SNX27: variants seen among roughly 807,000 people sequenced by gnomAD.
SNX27 encodes the protein sorting nexin 27.
A neutral mutation model predicts 71.6 loss-of-function variants in SNX27; 22 were observed. That is an observed-to-expected ratio of 0.31 (90% CI 0.22 to 0.44). The LOEUF (loss-of-function observed/expected upper bound fraction) is 0.44, where lower values mean the gene tolerates loss of function less well. SNX27 is among the 20% of genes least tolerant of loss of function. The pLI, the probability that SNX27 is intolerant of heterozygous loss-of-function variation, is 1.00. For missense variants in SNX27, 531 were observed against 698.6 expected, an observed-to-expected ratio of 0.76 and a Z score of 2.70; for synonymous variants, 269 against 277.2, an observed-to-expected ratio of 0.97 and a Z score of 0.29.
intron 1 of SNX27, among the ~76,000 whole-genome samples, chr1:151,627,563 T>C (rs1668000190): frequency 6.6e-6 from 1 of 152,210 alleles, no homozygotes; most frequent in Non-Finnish European, 1.5e-5. Flanking sequence ...TTTGCATATA[T>C]TAAGGTTCAC....
intron 8 of SNX27, 66 bp downstream of exon 8, chr1:151,683,511 G>A: frequency 8.0e-7 from 1 of 1,245,856 alleles, no homozygotes; most frequent in Non-Finnish European, 1.1e-6. Context: ...TATAGTCCTA[G>A]TCATTTTTGA....
intron 1 of SNX27, among the ~76,000 whole-genome samples, chr1:151,619,833 T>C (rs1198293951): frequency 2.0e-5 from 3 of 152,204 alleles, no homozygotes; most frequent in Non-Finnish European, 4.4e-5. Context: ...GCTTGGCTTG[T>C]ATGAGTCACA....
intron 7 of SNX27, chr1:151,675,865 C>T (rs1218954183): frequency 9.3e-6 from 1 of 107,194 alleles, no homozygotes; most frequent in Non-Finnish European, 1.8e-5. Flanking sequence ...CTCATTCTGT[C>T]ACCCAGGCTG....
At chr1:151,693,255 A>C in intron 10 of SNX27, 169 bp from the exon 11 acceptor site, 1 of 890,952 alleles carries the variant, frequency 1.1e-6, no homozygotes, top group Non-Finnish European at 1.7e-6. Flanking sequence ...TACCACTAGA[A>C]GGAGCTAGAG....
At chr1:151,692,638 CACTT>C (rs1480123314) in intron 9 of SNX27, 54 bp downstream of exon 9, 1 of 1,578,838 alleles carries the variant, frequency 6.3e-7, no homozygotes, top group African/African-American at 1.4e-5. Flanking sequence ...CTTTGATGCT[CACTT>C]GCTTGTGACG....
At chr1:151,668,389 C>A (rs1005667867) in intron 6 of SNX27, 83 bp from the exon 7 acceptor site, 2 of 1,283,134 alleles carry the variant, frequency 1.6e-6, no homozygotes, top group Non-Finnish European at 2.1e-6. Flanking sequence ...ACATACCATT[C>A]TTGATCTGCC....
chr1:151,692,627 A>T (rs1671509012), intron 9 of SNX27, 43 bp downstream of exon 9: 1 of 1,588,392 alleles, frequency 6.3e-7, no homozygotes, highest in African/African-American at 1.4e-5. Context: ...GACTGGAGAT[A>T]CTTTGATGCT....
chr1:151,649,024 A>G (rs1669201321), intron 2 of SNX27, among the ~76,000 whole-genome samples: 1 of 151,312 alleles, frequency 6.6e-6, no homozygotes, highest in South Asian at 2.1e-4. Flanking sequence ...GTTCAGTGGT[A>G]CGATCTCGGC....
intron 7 of SNX27, chr1:151,676,711 A>G (rs777535536): frequency 6.6e-5 from 10 of 152,156 alleles, no homozygotes; most frequent in Non-Finnish European, 1.2e-4. Context: ...TAAGAGGACA[A>G]TAGCACACTT....
Position 151,695,015 on chromosome 1 carries a change from GA to G in SNX27, c.*602del, listed in dbSNP as rs1455674541. On this transcript the variant is annotated 3_prime_UTR_variant, in exon 12 of 12. Coordinates refer to ENST00000458013, the MANE Select transcript of SNX27 (RefSeq NM_001330723.2). ...AAATACCTCTCCTCATGAAGGACTT[GA>G]AAAGTTTACAACCTGCTTGGATTTT... 1.3e-5 allele frequency: 2 copies of G among 152,586 alleles called. No individual in the cohort carries two copies. The highest frequency in any genetic ancestry group is 4.8e-5 in the African/African-American group (2 of 41,444). 9.5% of individuals were successfully genotyped at this position (152,586 alleles called of 1,614,324 possible).
intron 2 of SNX27, among the ~76,000 whole-genome samples, chr1:151,650,941 C>G (rs957586546): frequency 6.6e-6 from 1 of 152,192 alleles, no homozygotes; most frequent in African/African-American, 2.4e-5. Context: ...TCAACAGGAT[C>G]CCAAGGCAGA....
chr1:151,651,842 A>C (rs1669398431), intron 2 of SNX27, among the ~76,000 whole-genome samples: 1 of 151,974 alleles, frequency 6.6e-6, no homozygotes, highest in Non-Finnish European at 1.5e-5. Flanking sequence ...TTGGGAGGCC[A>C]AGGCAGGCGG....
chr1:151,625,239 G>GGATTA (rs1450771212), intron 1 of SNX27, among the ~76,000 whole-genome samples: 45 of 152,310 alleles, frequency 3.0e-4, no homozygotes, highest in East Asian at 5.8e-4. Context: ...AGGCGCTGTG[G>GGATTA]CTGACGCCTG....
intron 1 of SNX27, among the ~76,000 whole-genome samples, chr1:151,616,847 C>T (rs1353294127): frequency 1.3e-5 from 2 of 152,144 alleles, no homozygotes; most frequent in Admixed American, 6.5e-5. Flanking sequence ...GATTCTCAGG[C>T]TCACCTTTTA....
Position 151,612,629 on chromosome 1 carries a change from G to C in SNX27, c.311+117G>C. On this transcript the variant is annotated intron_variant, in intron 1 of 11. Coordinates refer to ENST00000458013, the MANE Select transcript of SNX27 (RefSeq NM_001330723.2). The surrounding 1 kb of genome is among the most constrained non-coding windows in gnomAD (Gnocchi z 5.2). ...CCCCCGAGCTCCGAGCCGGCCTCCG[G>C]ACCCCCGCCCCTCAGGCCTCCGCAG... The C allele has an allele frequency of 6.1e-6, 5 of 818,416 alleles. No individual in the cohort carries two copies. Among genetic ancestry groups the C allele is most frequent in the Non-Finnish European group, 8.3e-6 (5 of 601,134 alleles). 50.7% of individuals were successfully genotyped at this position (818,416 alleles called of 1,614,324 possible).
chr1:151,640,400 C>G (rs77358326), intron 2 of SNX27, among the ~76,000 whole-genome samples: 13 of 152,088 alleles, frequency 8.5e-5, no homozygotes, highest in Admixed American at 1.3e-4. Flanking sequence ...TTTTTTAAGA[C>G]GAAGTCTCAC....
intron 7 of SNX27, among the ~76,000 whole-genome samples, chr1:151,672,794 G>A (rs1254287610): frequency 6.6e-6 from 1 of 151,446 alleles, no homozygotes; most frequent in Non-Finnish European, 1.5e-5. Flanking sequence ...AATCATAGTA[G>A]CCACAAATGA....
intron 1 of SNX27, among the ~76,000 whole-genome samples, chr1:151,635,920 T>G (rs1338734681): frequency 6.6e-6 from 1 of 152,202 alleles, no homozygotes; most frequent in East Asian, 1.9e-4. Context: ...CTCTGACGAT[T>G]TTCAGGGTTT....
At chr1:151,632,307 G>A (rs1668274848) in intron 1 of SNX27, among the ~76,000 whole-genome samples, 1 of 151,684 alleles carries the variant, frequency 6.6e-6, no homozygotes, top group South Asian at 2.1e-4. Context: ...ACAGGCATGC[G>A]CCACCACGCC....
Sources: allele counts gnomAD v4.1 joint callset (sites outside exome capture counted in the v4.1 genomes callset), GRCh38; gene constraint gnomAD v4.1.1; non-coding constraint Gnocchi (gnomAD v3.1); transcripts MANE v1.5; gene names NCBI Gene and HGNC (gene_info 2026-07-23, HGNC 2026-07-21).